Variants in TTC23L observed in about 807,000 individuals in gnomAD.
TTC23L encodes tetratricopeptide repeat protein 23-like.
In TTC23L, 42 loss-of-function variants were observed where a neutral mutation model predicts 48.1. The observed-to-expected ratio is 0.87, with a 90% CI of 0.68 to 1.13. The LOEUF is 1.13. TTC23L is among the 50% of genes most tolerant of loss of function. The pLI, the probability that TTC23L is intolerant of heterozygous loss-of-function variation, is 0.00. For synonymous variants in TTC23L, 159 were observed against 157.2 expected (o/e 1.01, Z -0.09); for missense variants, 391 against 421.0 (o/e 0.93, Z 0.62).
chr5:34,857,986 AT>A (rs58930292), intron 4 of TTC23L, among the ~76,000 whole-genome samples: 52,001 of 152,044 alleles, frequency 0.34, 10,321 homozygotes, highest in South Asian at 0.45. Context: ...CTCTGAGCAG[AT>A]TTTCTCTGGC....
chr5:34,917,562 C>T, the TTC23L span, among the ~76,000 whole-genome samples: 2 of 151,992 alleles, frequency 1.3e-5, no homozygotes, highest in Non-Finnish European at 2.9e-5. Context: ...ATCGCTTGAA[C>T]CCGGGAGGTG....
At chr5:34,839,739 T>C in intron 1 of TTC23L, 2 of 784,166 alleles carry the variant, frequency 2.6e-6, no homozygotes, top group Non-Finnish European at 3.1e-6. Context: ...TAACATTCAA[T>C]AAGTAACTGC....
the TTC23L span, chr5:34,925,072 G>T: frequency 6.7e-7 from 1 of 1,497,044 alleles, no homozygotes; most frequent in Non-Finnish European, 8.9e-7. Flanking sequence ...CTGTGAAACT[G>T]AATTTGGTTT....
At chr5:34,864,945 ATT>A (rs577063460) in intron 6 of TTC23L, among the ~76,000 whole-genome samples, 257 of 152,214 alleles carry the variant, frequency 1.7e-3, no homozygotes, top group African/African-American at 6.2e-3. Context: ...ATTGCCACCT[ATT>A]TTTGTCATGA....
intron 9 of TTC23L, among the ~76,000 whole-genome samples, chr5:34,891,440 G>T (rs193172256): frequency 6.6e-6 from 1 of 152,268 alleles, no homozygotes; most frequent in Non-Finnish European, 1.5e-5. Context: ...ACAGTGCCTG[G>T]CAGAGTATGC....
chr5:34,922,128 A>G, the TTC23L span: 1 of 689,690 alleles, frequency 1.4e-6, no homozygotes, highest in Non-Finnish European at 2.4e-6. Flanking sequence ...GGTATTTTTG[A>G]GATAATCTGG....
chr5:34,844,099 C>T (rs1197264115), intron 2 of TTC23L, among the ~76,000 whole-genome samples: 1 of 152,254 alleles, frequency 6.6e-6, no homozygotes, highest in East Asian at 1.9e-4. Flanking sequence ...TGAGTTGTGT[C>T]TCGAAGGAGG....
intron 3 of TTC23L, among the ~76,000 whole-genome samples, chr5:34,846,421 G>A (rs1395834678): frequency 6.6e-6 from 1 of 150,688 alleles, no homozygotes; most frequent in African/African-American, 2.4e-5. Context: ...TTAGCCAGGC[G>A]TGGTGGCGCA....
At chr5:34,908,912 T>C in the TTC23L span, 1 of 1,610,690 alleles carries the variant, frequency 6.2e-7, no homozygotes, top group South Asian at 1.1e-5. Flanking sequence ...ATAGGACTAA[T>C]GCCTTTGTAG....
exon 10 of TTC23L, chr5:34,896,815 AAGAAGGAACTCTACATAC>A: frequency 2.7e-6 from 2 of 752,680 alleles, no homozygotes; most frequent in Non-Finnish European, 5.0e-6. Context: ...CCATTCCTGG[AAGAAGGAACTCTACATAC>A]AAAGGCACAG....
At chr5:34,898,844 CTAAA>C (rs1413688550) in intron 10 of TTC23L, among the ~76,000 whole-genome samples, 7 of 152,104 alleles carry the variant, frequency 4.6e-5, no homozygotes, top group African/African-American at 1.7e-4. Context: ...TAGGAGGTGA[CTAAA>C]GAACACTTAA....
intron 7 of TTC23L, chr5:34,867,442 T>C (rs755805701): frequency 4.2e-6 from 1 of 238,902 alleles, no homozygotes; most frequent in Non-Finnish European, 8.3e-6. Flanking sequence ...TGAAAAATCA[T>C]GGTATTTTAG....
intron 4 of TTC23L, among the ~76,000 whole-genome samples, chr5:34,850,651 G>A (rs1011444245): frequency 2.0e-5 from 3 of 152,136 alleles, no homozygotes; most frequent in South Asian, 4.1e-4. Flanking sequence ...CCAGCCGGAG[G>A]ACAGTAGGGG....
chr5:34,888,085 G>A (rs1230344758), intron 9 of TTC23L, among the ~76,000 whole-genome samples: 1 of 152,140 alleles, frequency 6.6e-6, no homozygotes, highest in African/African-American at 2.4e-5. Context: ...TTCATGAATG[G>A]GATTAGTGCC....
chr5:34,909,345 AAAG>A, the TTC23L span: 1 of 1,598,914 alleles, frequency 6.3e-7, no homozygotes, highest in Non-Finnish European at 8.6e-7. Flanking sequence ...TGCATTTCCA[AAAG>A]TAGATAACCT....
chr5:34,879,797 A>T (rs953724304), intron 8 of TTC23L, among the ~76,000 whole-genome samples: 1 of 152,166 alleles, frequency 6.6e-6, no homozygotes, highest in Non-Finnish European at 1.5e-5. Context: ...AGAGATTGAG[A>T]CCGTCCTGGC....
chr5:34,878,410 G>T (rs1762003874), intron 8 of TTC23L, among the ~76,000 whole-genome samples: 1 of 152,130 alleles, frequency 6.6e-6, no homozygotes, highest in African/African-American at 2.4e-5. Context: ...TCATGGATAA[G>T]AAGACTCAAT....
chr5:34,861,857 C>G (rs991456216), intron 4 of TTC23L, among the ~76,000 whole-genome samples: 27 of 152,052 alleles, frequency 1.8e-4, no homozygotes, highest in Non-Finnish European at 3.8e-4. Context: ...AAAGTGAACC[C>G]TACCTGTTGT....
At chr5:34,886,460 GC>G (rs1762550888) in intron 9 of TTC23L, among the ~76,000 whole-genome samples, 1 of 150,986 alleles carries the variant, frequency 6.6e-6, no homozygotes, top group Non-Finnish European at 1.5e-5. Context: ...AGTGACTATA[GC>G]AAAAATGTGG....
Sources: allele counts gnomAD v4.1 joint callset (sites outside exome capture counted in the v4.1 genomes callset), GRCh38; gene constraint gnomAD v4.1.1; transcripts MANE v1.5; gene names NCBI Gene and HGNC (gene_info 2026-07-23, HGNC 2026-07-21).